TSPAN14: variants seen among roughly 807,000 people sequenced by gnomAD.
TSPAN14 encodes the protein tetraspanin 14, also known as tetraspanin-14.
A neutral mutation model predicts 36.6 loss-of-function variants in TSPAN14; 16 were observed. The ratio of observed to expected loss-of-function variants is 0.44; its 90% CI spans 0.30 to 0.66. TSPAN14 has a LOEUF of 0.66. Ranked by LOEUF, TSPAN14 falls within the 30% of genes least tolerant of loss-of-function variation. TSPAN14 has a pLI of 0.12. For missense variants in TSPAN14, 231 were observed against 355.1 expected (o/e 0.65, Z 2.81); for synonymous variants, 139 against 143.8 (o/e 0.97, Z 0.24).
Position 80,503,369 on chromosome 10 carries a change from G to A in TSPAN14, c.82-1359G>A, listed in dbSNP as rs148118177. Among the ~76,000 whole-genome samples, 18 of 152,328 alleles carry A rather than the reference G, an allele frequency of 1.2e-4. No individual in the cohort carries two copies. In the East Asian group the frequency reaches 2.1e-3, roughly 18 times the overall value. ...ACTTGAGACGGTATCTGGCACTCGG[G>A]ATGTACTCCGTGAATATTTGTTGAA... On this transcript the variant is annotated intron_variant, in intron 2 of 8. Coordinates refer to ENST00000429989, the Ensembl canonical transcript of TSPAN14.
At position 80,514,080 on chromosome 10, in the gene TSPAN14, A is replaced by G. The variant is rs749848129; in HGVS notation, c.621+17A>G. On this transcript the variant is annotated intron_variant, in intron 7 of 8. Transcript: ENST00000429989. ...AGGATTCAGGTGAGAACTCCCATGT[A>G]TACAACTTGAAGAGTTCTTTAGGTT... 54 of 1,608,270 alleles carry G rather than the reference A, an allele frequency of 3.4e-5. 2 individuals carry two copies. The highest frequency in any genetic ancestry group is 3.7e-5 in the Non-Finnish European group (44 of 1,175,106).
chr10:80,464,625 A>G (rs960720195), intron 1 of TSPAN14, among the ~76,000 whole-genome samples: 9 of 152,064 alleles, frequency 5.9e-5, no homozygotes, highest in Admixed American at 4.6e-4. Context: ...CCACCCTTCT[A>G]CTCAGAGAAC....
chr10:80,495,440 C>T (rs936176052), intron 2 of TSPAN14, among the ~76,000 whole-genome samples: 3 of 151,838 alleles, frequency 2.0e-5, no homozygotes, highest in Non-Finnish European at 4.4e-5. Context: ...ATTGCTTAAT[C>T]AGAAACTCCA....
At chr10:80,486,625 T>G (rs1398176600) in intron 1 of TSPAN14, among the ~76,000 whole-genome samples, 2 of 152,192 alleles carry the variant, frequency 1.3e-5, no homozygotes, top group African/African-American at 4.8e-5. Flanking sequence ...CCAGCCCTCC[T>G]TAGTTCCTGA....
chr10:80,516,092 G>T, intron 7 of TSPAN14, 112 bp from the exon 8 acceptor site: 11 of 1,539,366 alleles, frequency 7.1e-6, no homozygotes, highest in Non-Finnish European at 7.1e-6. Context: ...CTGCCTCCTG[G>T]ATCCCTCGTT....
intron 6 of TSPAN14, 108 bp from the exon 7 acceptor site, chr10:80,513,910 TG>T: frequency 1.1e-6 from 1 of 910,642 alleles, no homozygotes. Flanking sequence ...TGAGCTGTAA[TG>T]GAATTTGCAC....
intron 1 of TSPAN14, among the ~76,000 whole-genome samples, chr10:80,477,222 C>T (rs77055429): frequency 0.013 from 1,960 of 152,328 alleles, 40 homozygotes; most frequent in African/African-American, 0.045. Flanking sequence ...GATGATCCCC[C>T]TATGTTAAGA....
chr10:80,489,236 G>A (rs763653040), exon 2 of TSPAN14: 4 of 1,579,352 alleles, frequency 2.5e-6, no homozygotes, highest in Non-Finnish European at 3.4e-6. Context: ...CTCAGAAGAT[G>A]CACTATTATA....
At chr10:80,494,599 TC>T (rs767228640) in intron 2 of TSPAN14, among the ~76,000 whole-genome samples, 18 of 152,184 alleles carry the variant, frequency 1.2e-4, no homozygotes, top group Non-Finnish European at 1.9e-4. Context: ...ACTTGCCACC[TC>T]CCAGGATAGT....
In TSPAN14 at chr10:80,496,464, G is replaced by A. The variant is rs562751921; in HGVS notation, c.81+7150G>A. Among the ~76,000 whole-genome samples the A allele has an allele frequency of 1.1e-4, 16 of 152,274 alleles. 1 individual carries two copies. The South Asian group carries it at 2.9e-3, about 28-fold the overall frequency. ...GATTATAGCAATTTTATACATGCTG[G>A]TATAGTTGTCTTTGTGTTTATTCTG... On this transcript the variant is annotated intron_variant, in intron 2 of 8. Transcript: ENST00000429989.
At position 80,507,386 on chromosome 10, in the gene TSPAN14, C is replaced by T; in HGVS notation, c.279+12C>T. On this transcript the variant is annotated intron_variant, in intron 4 of 8. Transcript: ENST00000429989. ...GCTTGCTCAACTTTGTGAGTGGCCA[C>T]AGAGACAAGAGTGGGATAGGATGCA... The T allele has an allele frequency of 1.9e-6, 3 of 1,614,136 alleles. No individual in the cohort carries two copies. The highest frequency in any genetic ancestry group is 2.5e-6 in the Non-Finnish European group (3 of 1,180,018).
chr10:80,460,144 G>A (rs1016058024), intron 1 of TSPAN14, among the ~76,000 whole-genome samples: 7 of 152,180 alleles, frequency 4.6e-5, no homozygotes, highest in Admixed American at 2.0e-4. Context: ...AGGGGAGAGA[G>A]TGGGCCAACT....
intron 1 of TSPAN14, among the ~76,000 whole-genome samples, chr10:80,469,200 G>A (rs1401314081): frequency 3.9e-5 from 6 of 152,122 alleles, no homozygotes; most frequent in Admixed American, 3.9e-4. Flanking sequence ...GGGTGAAAGG[G>A]CAGCCCTAAG....
Position 80,509,280 on chromosome 10 carries a change from T to G in TSPAN14, c.280-21T>G, listed in dbSNP as rs759612026. 6.2e-7 allele frequency: 1 copy of G among 1,609,218 alleles called. No individual in the cohort carries two copies. Among genetic ancestry groups the G allele is most frequent in the Non-Finnish European group, 8.5e-7 (1 of 1,177,832 alleles). ...AGGCTGGTGGGGTGGTGACTTCTGC[T>G]CCCGTCCCCTTCCCCTGCAGTTCTG... On this transcript the variant is annotated intron_variant, in intron 4 of 8. Coordinates refer to ENST00000429989, the Ensembl canonical transcript of TSPAN14. This position sits in a 1 kb window ranked among gnomAD's most constrained non-coding sequence, Gnocchi z 4.7.
chr10:80,517,795 G>A (rs940777263), intron 8 of TSPAN14, 110 bp from the exon 9 acceptor site: 1 of 1,031,922 alleles, frequency 9.7e-7, no homozygotes, highest in Non-Finnish European at 1.5e-6. Context: ...AGTCGCAGCT[G>A]GGGGGTGAGG....
chr10:80,488,362 T>G (rs1847740458), intron 1 of TSPAN14, among the ~76,000 whole-genome samples: 3 of 152,232 alleles, frequency 2.0e-5, no homozygotes, highest in Non-Finnish European at 4.4e-5. Flanking sequence ...AGCACCCTCC[T>G]GCAGTAGGAT....
chr10:80,494,348 T>A (rs187346271), intron 2 of TSPAN14, among the ~76,000 whole-genome samples: 2 of 152,336 alleles, frequency 1.3e-5, no homozygotes, highest in Admixed American at 1.3e-4. Context: ...ACATGTAATC[T>A]GTGGTTCAAC....
At chr10:80,498,636 A>C (rs1190976830) in intron 2 of TSPAN14, among the ~76,000 whole-genome samples, 4 of 152,012 alleles carry the variant, frequency 2.6e-5, no homozygotes, top group Non-Finnish European at 5.9e-5. Context: ...AGAGAAGGAG[A>C]CTCTGTCTTC....
chr10:80,479,371 C>T (rs1323666778), intron 1 of TSPAN14, among the ~76,000 whole-genome samples: 2 of 151,796 alleles, frequency 1.3e-5, no homozygotes, highest in African/African-American at 2.4e-5. Context: ...CTTGCCCATG[C>T]CTATGTCCTG....
Sources: gnomAD v4.1 joint callset for allele counts (sites outside exome capture counted in the v4.1 genomes callset) on GRCh38, gnomAD v4.1.1 for gene constraint, Gnocchi (gnomAD v3.1) non-coding constraint, MANE v1.5 for transcripts, NCBI Gene and HGNC (gene_info 2026-07-23, HGNC 2026-07-21) for gene names.